AGTR1: variants seen among roughly 807,000 people sequenced by gnomAD.
AGTR1 encodes the protein type-1 angiotensin II receptor.
Under a neutral mutation model 19.4 loss-of-function variants are expected in AGTR1, and 16 were observed. The ratio of observed to expected loss-of-function variants is 0.82; its 90% CI spans 0.56 to 1.25. The LOEUF is 1.25. Ranked by LOEUF, AGTR1 falls within the 50% of genes most tolerant of loss-of-function variation. AGTR1 has a pLI of 0.00. For missense variants in AGTR1, 373 were observed against 431.9 expected (o/e 0.86, Z 1.21); for synonymous variants, 153 against 154.9 (o/e 0.99, Z 0.09).
At chr3:148,709,773 T>A (rs1712876735) in intron 2 of AGTR1, among the ~76,000 whole-genome samples, 1 of 152,160 alleles carries the variant, frequency 6.6e-6, no homozygotes, top group Admixed American at 6.6e-5. Flanking sequence ...AGAACTCTGA[T>A]CTCTTATTGA....
rs1305612572 is a variant in AGTR1 at position 148,741,828 on chromosome 3, T to C, written c.793T>C (p.Leu265=). 9.9e-6 allele frequency: 16 copies of C among 1,613,730 alleles called. No homozygotes were observed. Among genetic ancestry groups the C allele is most frequent in the Non-Finnish European group, 1.4e-5 (16 of 1,180,038 alleles). Residue 265 remains leucine, a synonymous_variant, in exon 3 of 3, where the codon TTG becomes CTG. Coordinates refer to ENST00000349243, the MANE Select transcript of AGTR1 (RefSeq NM_000685.5). Reference sequence around the variant, plus strand: ...CCAAATATTCACTTTTCTGGATGTATTGATTCAACTAGGCATCATACGTGA... The same window carrying C: ...CCAAATATTCACTTTTCTGGATGTACTGATTCAACTAGGCATCATACGTGA... ...PHQIFTFLDV[L]IQLGIIRDCR... is the part of the protein sequence containing the mutation.
rs764126581 is a variant in AGTR1, at chr3:148,741,872, T to G, written c.837T>G (p.Ile279Met). Reference protein sequence around the residue: ...GIIRDCRIADIVDTAMPITIC... With the variant: ...GIIRDCRIADMVDTAMPITIC... ...TACGTGACTGTAGAATTGCAGATAT[T>G]GTGGACACGGCCATGCCTATCACCA... is the stretch of plus-strand genomic sequence containing the variant. The change falls in exon 3 of 3, where the codon ATT (isoleucine) becomes ATG (methionine). Residue 279 changes from isoleucine to methionine, a missense_variant. By Grantham distance (10) the Ile-to-Met change is conservative. Coordinates refer to ENST00000349243, the MANE Select transcript of AGTR1 (RefSeq NM_000685.5). 6.2e-7 allele frequency: 1 copy of G among 1,614,176 alleles called. No homozygotes were observed. The highest frequency in any genetic ancestry group is 1.7e-5 in the Admixed American group (1 of 60,024).
chr3:148,734,437 T>C (rs1714455235), intron 2 of AGTR1, among the ~76,000 whole-genome samples: 1 of 152,204 alleles, frequency 6.6e-6, no homozygotes, highest in African/African-American at 2.4e-5. Context: ...GCCTTGTTTT[T>C]ATTTCTTGTG....
At chr3:148,735,531 A>G (rs1714526618) in intron 2 of AGTR1, among the ~76,000 whole-genome samples, 1 of 152,200 alleles carries the variant, frequency 6.6e-6, no homozygotes, top group African/African-American at 2.4e-5. Context: ...GAGGAACTAT[A>G]AATAGTAAAG....
At chr3:148,721,187 G>A (rs147671734) in intron 2 of AGTR1, among the ~76,000 whole-genome samples, 3 of 152,262 alleles carry the variant, frequency 2.0e-5, no homozygotes, top group East Asian at 3.9e-4. Context: ...TATCTTGCTC[G>A]GGAGAGAAAA....
Position 148,742,348 on chromosome 3 carries a change from G to A in AGTR1, c.*233G>A. On this transcript the variant is annotated 3_prime_UTR_variant, in exon 3 of 3. Transcript: ENST00000349243. Reference sequence around the variant, plus strand: ...ATTAGACAGATGACGGCTGCTCGAAGAACAATGTCAGAAACTCGATGAATG... The same window carrying A: ...ATTAGACAGATGACGGCTGCTCGAAAAACAATGTCAGAAACTCGATGAATG... 1.5e-6 allele frequency: 1 copy of A among 646,132 alleles called. No individual in the cohort carries two copies. Among genetic ancestry groups the A allele is most frequent in the Non-Finnish European group, 2.8e-6 (1 of 353,190 alleles). 40.0% of individuals were successfully genotyped at this position (646,132 alleles called of 1,614,324 possible).
chr3:148,722,942 A>T (rs996347239), intron 2 of AGTR1, among the ~76,000 whole-genome samples: 2 of 152,220 alleles, frequency 1.3e-5, no homozygotes, highest in Non-Finnish European at 2.9e-5. Flanking sequence ...ATACATGTCC[A>T]TGTTGTCCTT....
At chr3:148,725,358 A>T (rs532621484) in intron 2 of AGTR1, among the ~76,000 whole-genome samples, 5 of 152,290 alleles carry the variant, frequency 3.3e-5, no homozygotes, top group African/African-American at 1.2e-4. Flanking sequence ...GCTTTATGGG[A>T]TTAATAACAA....
intron 1 of AGTR1, among the ~76,000 whole-genome samples, chr3:148,700,814 T>A (rs1029369457): frequency 2.0e-5 from 3 of 152,230 alleles, no homozygotes; most frequent in Non-Finnish European, 4.4e-5. Flanking sequence ...CAACACGTGA[T>A]GATTGGAAAA....
intron 2 of AGTR1, among the ~76,000 whole-genome samples, chr3:148,734,458 A>T (rs1714456217): frequency 6.6e-6 from 1 of 152,204 alleles, no homozygotes; most frequent in Non-Finnish European, 1.5e-5. Context: ...AGGTCAGATG[A>T]CAGTGGATGA....
Position 148,704,779 on chromosome 3 carries a change from G to A in AGTR1, c.-131-3165G>A, listed in dbSNP as rs1231469425. 1.5e-4 allele frequency among the ~76,000 whole-genome samples: 23 copies of A among 152,176 alleles called. 1 individual carries two copies. On this transcript the variant is annotated intron_variant, in intron 1 of 2. Transcript: ENST00000349243. The stretch of plus-strand genomic sequence containing the variant: ...TATTGATGTTGGTCAAAAGACAGGT[G>A]TGTATGGGTTCCCTGGGATCATGTT...
intron 2 of AGTR1, among the ~76,000 whole-genome samples, chr3:148,739,372 A>G (rs988159963): frequency 6.6e-5 from 10 of 152,090 alleles, no homozygotes; most frequent in African/African-American, 2.4e-4. Context: ...AAAAAAAAAA[A>G]AAAGTGTCAA....
intron 2 of AGTR1, among the ~76,000 whole-genome samples, chr3:148,736,436 C>A (rs908196365): frequency 6.6e-6 from 1 of 152,224 alleles, no homozygotes; most frequent in Admixed American, 6.5e-5. Flanking sequence ...AAACATTTTT[C>A]TTTACTCTCA....
intron 2 of AGTR1, 103 bp from the exon 3 acceptor site, chr3:148,740,886 T>C (rs558577408): frequency 9.5e-7 from 1 of 1,057,874 alleles, no homozygotes; most frequent in Non-Finnish European, 1.3e-6. Flanking sequence ...TTCCTAAGAC[T>C]AAAGTTGAGT....
intron 2 of AGTR1, among the ~76,000 whole-genome samples, chr3:148,731,833 A>G (rs1006676729): frequency 1.3e-5 from 2 of 152,236 alleles, no homozygotes; most frequent in African/African-American, 4.8e-5. Flanking sequence ...ATCAATAAAT[A>G]AAAAGTAAAG....
intron 2 of AGTR1, among the ~76,000 whole-genome samples, chr3:148,734,376 T>C (rs1047356821): frequency 5.9e-5 from 9 of 152,220 alleles, no homozygotes; most frequent in African/African-American, 2.2e-4. Context: ...ATTTAACCAC[T>C]GTCACCACAG....
At chr3:148,706,847 C>T (rs1237529537) in intron 1 of AGTR1, among the ~76,000 whole-genome samples, 2 of 151,950 alleles carry the variant, frequency 1.3e-5, no homozygotes, top group African/African-American at 2.4e-5. Context: ...AACCCAGATT[C>T]TTGGTATTAT....
In AGTR1 at chr3:148,741,024, C is replaced by T; in HGVS notation, c.-12C>T. On this transcript the variant is annotated 5_prime_UTR_variant, in exon 3 of 3. Coordinates refer to ENST00000349243, the MANE Select transcript of AGTR1 (RefSeq NM_000685.5). ...TATAGTGTTTGCAACAAATTCGACC[C>T]AGGTGATCAAAATGATTCTCAACTC... 6.2e-7 allele frequency: 1 copy of T among 1,613,682 alleles called. No homozygotes were observed. Among genetic ancestry groups the T allele is most frequent in the Admixed American group, 1.7e-5 (1 of 60,010 alleles).
In AGTR1 at chr3:148,741,215, G is replaced by C; in HGVS notation, c.180G>C (p.Lys60Asn). The change falls in exon 3 of 3, where the codon AAG becomes AAC. Residue 60 changes from lysine to asparagine, a missense_variant. Transcript: ENST00000349243. Reference protein sequence around the residue: ...VIVIYFYMKLKTVASVFLLNL... With the variant: ...VIVIYFYMKLNTVASVFLLNL... ...TCATTTACTTTTATATGAAGCTGAAGACTGTGGCCAGTGTTTTTCTTTTGA... is the reference window on the plus strand; with the variant it reads ...TCATTTACTTTTATATGAAGCTGAACACTGTGGCCAGTGTTTTTCTTTTGA... The C allele has an allele frequency of 1.2e-6, 2 of 1,614,124 alleles. No individual in the cohort carries two copies. Among genetic ancestry groups the C allele is most frequent in the Non-Finnish European group, 1.7e-6 (2 of 1,180,034 alleles).
Sources: gnomAD v4.1 joint callset for allele counts (sites outside exome capture counted in the v4.1 genomes callset) on GRCh38, gnomAD v4.1.1 for gene constraint, MANE v1.5 for transcripts, NCBI Gene and HGNC (gene_info 2026-07-23, HGNC 2026-07-21) for gene names.